The following ADARB2 variants were observed in gnomAD, a reference collection of about 807,000 sequenced individuals.
ADARB2 encodes the protein inactive double-stranded RNA-specific editase B2.
A neutral mutation model predicts 62.2 loss-of-function variants in ADARB2; 25 were observed. That is an observed-to-expected ratio of 0.40 (90% CI 0.29 to 0.56). The LOEUF (loss-of-function observed/expected upper bound fraction) is 0.56, where lower values mean the gene tolerates loss of function less well. Among genes scored for constraint, ADARB2 ranks in the 20% least tolerant of loss-of-function variants. The probability of loss-of-function intolerance (pLI) is 0.43; values close to 1 mark genes in which losing one functional copy is unlikely to be tolerated. For missense variants in ADARB2, 1,071 were observed against 1,077.4 expected, an observed-to-expected ratio of 0.99 and a Z score of 0.08; for synonymous variants, 572 against 500.8, an observed-to-expected ratio of 1.14 and a Z score of -1.90.
chr10:1,669,994 C>T (rs943372248), intron 1 of ADARB2, among the ~76,000 whole-genome samples: 1 of 152,178 alleles, frequency 6.6e-6, no homozygotes, highest in Non-Finnish European at 1.5e-5. Context: ...GGGAAGAAAC[C>T]ATTCACGTGT....
intron 1 of ADARB2, among the ~76,000 whole-genome samples, chr10:1,487,141 C>T (rs1831553870): frequency 1.3e-5 from 2 of 152,228 alleles, no homozygotes; most frequent in Non-Finnish European, 2.9e-5. Context: ...GCCCTGCTCC[C>T]CTTGGCCAAG....
chr10:1,569,186 G>A (rs1221603159), intron 1 of ADARB2, among the ~76,000 whole-genome samples: 1 of 152,056 alleles, frequency 6.6e-6, no homozygotes, highest in African/African-American at 2.4e-5. Context: ...GGGACAGAGA[G>A]AGAGAGAGGC....
intron 1 of ADARB2, among the ~76,000 whole-genome samples, chr10:1,571,477 G>C (rs1832932289): frequency 6.6e-6 from 1 of 152,232 alleles, no homozygotes; most frequent in Non-Finnish European, 1.5e-5. Flanking sequence ...TCACCACTGG[G>C]ATTTGAAATG....
intron 1 of ADARB2, among the ~76,000 whole-genome samples, chr10:1,636,345 C>T (rs1833917230): frequency 6.6e-6 from 1 of 152,112 alleles, no homozygotes; most frequent in Non-Finnish European, 1.5e-5. Context: ...AGAAAAGTCC[C>T]ATCTCTATAA....
At chr10:1,553,808 C>A (rs1408541739) in intron 1 of ADARB2, among the ~76,000 whole-genome samples, 1 of 152,212 alleles carries the variant, frequency 6.6e-6, no homozygotes, top group East Asian at 1.9e-4. Flanking sequence ...GCAGGAATAA[C>A]GAGCTACAGA....
chr10:1,186,814 C>T (rs535105864), intron 8 of ADARB2, among the ~76,000 whole-genome samples: 16 of 152,360 alleles, frequency 1.1e-4, no homozygotes, highest in African/African-American at 3.1e-4. Context: ...AGAGCAAAGA[C>T]CTGGTGGGCT....
intron 1 of ADARB2, among the ~76,000 whole-genome samples, chr10:1,508,225 C>A (rs970175574): frequency 6.6e-6 from 1 of 152,194 alleles, no homozygotes; most frequent in African/African-American, 2.4e-5. Context: ...CTGTCACCGA[C>A]CTCCATCCAT....
At chr10:1,209,534 C>T in intron 7 of ADARB2, among the ~76,000 whole-genome samples, 1 of 137,180 alleles carries the variant, frequency 7.3e-6, no homozygotes, top group Non-Finnish European at 1.6e-5. Context: ...CACCTACAGC[C>T]TCGCCCACAC....
intron 1 of ADARB2, among the ~76,000 whole-genome samples, chr10:1,437,359 C>T (rs1184288274): frequency 2.0e-5 from 3 of 151,766 alleles, no homozygotes; most frequent in Non-Finnish European, 4.4e-5. Flanking sequence ...TATGTCGTTT[C>T]TATGTATAGT....
chr10:1,423,279 CCTT>C (rs1293267994), intron 1 of ADARB2, among the ~76,000 whole-genome samples: 2 of 152,210 alleles, frequency 1.3e-5, no homozygotes, highest in African/African-American at 2.4e-5. Context: ...AAATCACTGT[CCTT>C]CTTTTCCCCT....
At chr10:1,197,562 C>T (rs2131740520) in intron 8 of ADARB2, among the ~76,000 whole-genome samples, 1 of 152,330 alleles carries the variant, frequency 6.6e-6, no homozygotes, top group East Asian at 1.9e-4. Flanking sequence ...TATTTTATCA[C>T]CAGCACTGCA....
intron 1 of ADARB2, among the ~76,000 whole-genome samples, chr10:1,724,676 C>A (rs1023304927): frequency 5.3e-5 from 8 of 152,118 alleles, no homozygotes; most frequent in African/African-American, 1.9e-4. Context: ...TCCCATAGAG[C>A]AATAAAAGAA....
intron 3 of ADARB2, among the ~76,000 whole-genome samples, chr10:1,309,951 G>A (rs973455194): frequency 7.9e-5 from 12 of 152,350 alleles, no homozygotes; most frequent in Non-Finnish European, 1.5e-4. Context: ...TGGAATCTCC[G>A]TCTTCAGCGT....
chr10:1,420,079 A>C lies in ADARB2; in HGVS notation c.101-40919T>G, dbSNP rs74123410. Among the ~76,000 whole-genome samples, 998 of 152,384 alleles carry C rather than the reference A, an allele frequency of 6.5e-3. 13 individuals are homozygous for C. Among genetic ancestry groups the C allele is most frequent in the African/African-American group, 0.022 (931 of 41,598 alleles). On this transcript the variant is annotated intron_variant, in intron 1 of 9. Transcript: ENST00000381312. ...AATCTGTGGCATGAAATTTAAGCAC[A>C]AGAGAAAACATTTAGCAATTAAGCA...
chr10:1,521,838 T>A (rs1832077808), intron 1 of ADARB2, among the ~76,000 whole-genome samples: 1 of 115,540 alleles, frequency 8.7e-6, no homozygotes. Context: ...CTGGACCAAA[T>A]CAATGTATTT....
At chr10:1,514,173 C>A (rs1438087246) in intron 1 of ADARB2, among the ~76,000 whole-genome samples, 1 of 18,330 alleles carries the variant, frequency 5.5e-5, no homozygotes, top group Non-Finnish European at 1.0e-4. Context: ...GAGACGCTGT[C>A]TCAAAATATA....
chr10:1,580,338 C>T (rs1449770581), intron 1 of ADARB2, among the ~76,000 whole-genome samples: 2 of 152,126 alleles, frequency 1.3e-5, no homozygotes, highest in African/African-American at 4.8e-5. Context: ...CATCTAGCCC[C>T]CACTTATAAG....
intron 1 of ADARB2, among the ~76,000 whole-genome samples, chr10:1,648,215 G>T (rs1834069814): frequency 6.6e-6 from 1 of 152,188 alleles, no homozygotes; most frequent in South Asian, 2.1e-4. Context: ...CTGTATCTGT[G>T]CTGCACTTTC....
chr10:1,488,874 T>C (rs564661213), intron 1 of ADARB2, among the ~76,000 whole-genome samples: 40 of 152,336 alleles, frequency 2.6e-4, no homozygotes, highest in African/African-American at 8.2e-4. Context: ...GGTTTCTTCT[T>C]GGTCAGCAAA....
Sources: allele counts gnomAD v4.1 joint callset (sites outside exome capture counted in the v4.1 genomes callset), GRCh38; gene constraint gnomAD v4.1.1; transcripts MANE v1.5; gene names NCBI Gene and HGNC (gene_info 2026-07-23, HGNC 2026-07-21).